Variants in MACROH2A1 observed in about 807,000 individuals in gnomAD.
MACROH2A1 encodes the protein macroH2A.1 histone, also known as core histone macro-H2A.1.
A neutral mutation model predicts 31.6 loss-of-function variants in MACROH2A1; 2 were observed. The observed-to-expected ratio is 0.06, with a 90% CI of 0.03 to 0.20. The LOEUF (loss-of-function observed/expected upper bound fraction) is 0.20, where lower values mean the gene tolerates loss of function less well. MACROH2A1 is among the 10% of genes least tolerant of loss of function. MACROH2A1 has a pLI of 1.00. For missense variants in MACROH2A1, 230 were observed against 474.0 expected (o/e 0.49, Z 4.78); for synonymous variants, 169 against 189.6 (o/e 0.89, Z 0.89).
In MACROH2A1 at chr5:135,334,882, G is replaced by A; in HGVS notation, c.*94C>T. Reference sequence around the variant, plus strand: ...AGATGAGCAAAACTGAAAATGAAAGGGGTCCCACCTCCCAGTAGGAGTGAA... The same window carrying A: ...AGATGAGCAAAACTGAAAATGAAAGAGGTCCCACCTCCCAGTAGGAGTGAA... On this transcript the variant is annotated 3_prime_UTR_variant, in exon 9 of 9. Transcript: ENST00000511689. 9.7e-7 allele frequency: 1 copy of A among 1,034,046 alleles called. No homozygotes were observed. Among genetic ancestry groups the A allele is most frequent in the Non-Finnish European group, 1.4e-6 (1 of 695,868 alleles). The allele number at this position is 1,034,046 out of a possible 1,614,324, so 64.1% of individuals were successfully genotyped here.
At chr5:135,375,511 G>A (rs894702746) in intron 2 of MACROH2A1, among the ~76,000 whole-genome samples, 1 of 152,100 alleles carries the variant, frequency 6.6e-6, no homozygotes, top group African/African-American at 2.4e-5. Context: ...CTGTTGTATT[G>A]AAGCATTTTG....
At chr5:135,351,028 G>T in intron 6 of MACROH2A1, 1 of 675,212 alleles carries the variant, frequency 1.5e-6, no homozygotes, top group Non-Finnish European at 2.7e-6. Context: ...CAACATATGA[G>T]CCCAAGGGGC....
chr5:135,341,400 T>G (rs1279218951), intron 8 of MACROH2A1, among the ~76,000 whole-genome samples: 1 of 152,134 alleles, frequency 6.6e-6, no homozygotes, highest in Admixed American at 6.5e-5. Context: ...GCTGGGGAAA[T>G]GCTCATTCTG....
At chr5:135,379,915 C>G (rs1365012955) in intron 2 of MACROH2A1, among the ~76,000 whole-genome samples, 1 of 152,016 alleles carries the variant, frequency 6.6e-6, no homozygotes, top group African/African-American at 2.4e-5. Context: ...TTTTTTTTGG[C>G]AGACATGAGG....
chr5:135,381,648 A>G (rs936951963), intron 2 of MACROH2A1, among the ~76,000 whole-genome samples: 1 of 152,230 alleles, frequency 6.6e-6, no homozygotes, highest in African/African-American at 2.4e-5. Flanking sequence ...AAAAAGAATG[A>G]AATAGGACTT....
intron 5 of MACROH2A1, chr5:135,360,230 C>G: frequency 2.0e-6 from 1 of 498,722 alleles, no homozygotes; most frequent in Non-Finnish European, 3.6e-6. Flanking sequence ...CCAGACTAAC[C>G]AAGGGTCCCC....
chr5:135,391,780 C>T (rs1255507450), intron 1 of MACROH2A1, among the ~76,000 whole-genome samples: 1 of 152,210 alleles, frequency 6.6e-6, no homozygotes, highest in Non-Finnish European at 1.5e-5. Context: ...ATTAGCCAAG[C>T]TCTGCTGAAC....
chr5:135,336,576 G>A (rs764630423), intron 8 of MACROH2A1, among the ~76,000 whole-genome samples: 5 of 152,228 alleles, frequency 3.3e-5, no homozygotes, highest in Non-Finnish European at 7.3e-5. Flanking sequence ...CTCCAGAGCC[G>A]CTCTGGCCAC....
intron 6 of MACROH2A1, among the ~76,000 whole-genome samples, chr5:135,348,738 G>C (rs1761160330): frequency 6.6e-6 from 1 of 152,252 alleles, no homozygotes; most frequent in African/African-American, 2.4e-5. Flanking sequence ...AAGGGCTTTG[G>C]AAGACTGGGT....
chr5:135,335,186 G>C lies in MACROH2A1; in HGVS notation c.954-45C>G, dbSNP rs568145557. 21 of 1,523,482 alleles carry C rather than the reference G, an allele frequency of 1.4e-5. No individual in the cohort carries two copies. In the African/African-American group the frequency reaches 1.8e-4, roughly 13 times the overall value. 94.4% of individuals were successfully genotyped at this position (1,523,482 alleles called of 1,614,324 possible). ...CACTCAGCAACTGGGATGCCACGGGGGCTGCAGGACCTGCCCCACCTTACA... is the reference window on the plus strand; with the variant it reads ...CACTCAGCAACTGGGATGCCACGGGCGCTGCAGGACCTGCCCCACCTTACA... On this transcript the variant is annotated intron_variant, in intron 8 of 8. Coordinates refer to ENST00000511689, the MANE Select transcript of MACROH2A1 (RefSeq NM_138610.3).
At chr5:135,346,151 C>A (rs1035906909) in intron 6 of MACROH2A1, 94 bp from the exon 7 acceptor site, 1 of 798,582 alleles carries the variant, frequency 1.3e-6, no homozygotes, top group Admixed American at 1.8e-5. Context: ...TTCAAATGAT[C>A]TATTAAATTT....
intron 6 of MACROH2A1, chr5:135,346,587 G>A (rs1308058364): frequency 6.5e-6 from 1 of 152,826 alleles, no homozygotes; most frequent in African/African-American, 2.4e-5. Flanking sequence ...TTATTACCAT[G>A]CTTAGTTCCT....
chr5:135,369,918 A>T lies in MACROH2A1; in HGVS notation c.279+118T>A. 2.9e-6 allele frequency: 2 copies of T among 678,270 alleles called. No homozygotes were observed. Among genetic ancestry groups the T allele is most frequent in the Non-Finnish European group, 2.5e-6 (1 of 395,860 alleles). 42.0% of individuals were successfully genotyped at this position (678,270 alleles called of 1,614,324 possible). A position where few individuals can be genotyped will look rare whatever the true frequency, so the allele number is the denominator to read the frequency against. Reference sequence around the variant, plus strand: ...ATGGGAGGCAGAGAAGCTGCTAATTAATCCAAAAGGCAGTCCACACCTTTC... The same window carrying T: ...ATGGGAGGCAGAGAAGCTGCTAATTTATCCAAAAGGCAGTCCACACCTTTC... On this transcript the variant is annotated intron_variant, in intron 3 of 8. Transcript: ENST00000511689. The surrounding 1 kb of genome is among the most constrained non-coding windows in gnomAD (Gnocchi z 4.3).
intron 1 of MACROH2A1, among the ~76,000 whole-genome samples, chr5:135,391,833 C>A (rs936244640): frequency 6.6e-6 from 1 of 152,214 alleles, no homozygotes; most frequent in South Asian, 2.1e-4. Context: ...ACCCTCCCTG[C>A]GTTGGTTCAG....
chr5:135,378,730 C>T (rs1224174045), intron 2 of MACROH2A1, among the ~76,000 whole-genome samples: 1 of 152,182 alleles, frequency 6.6e-6, no homozygotes, highest in African/African-American at 2.4e-5. Context: ...TTTGAGGATT[C>T]GATGAATTAC....
In MACROH2A1 at chr5:135,360,557, C is replaced by G. The variant is rs1762710652; in HGVS notation, c.528G>C (p.Glu176Asp). ...SKAASADSTT[E>D]GTPADGFTVL... The stretch of plus-strand genomic sequence containing the variant: ...CTGTGAAGCCGTCGGCAGGTGTGCC[C>G]TCGGTTGTGCTGTCGGCGCTGGCTG... The change falls in exon 5 of 9, where the codon GAG becomes GAC. Residue 176 changes from glutamate to aspartate, a missense_variant. This residue lies in a region of MACROH2A1 where 183 missense variants were observed against 319.3 expected (regional missense o/e 0.57). Coordinates refer to ENST00000511689, the MANE Select transcript of MACROH2A1 (RefSeq NM_138610.3). 4.3e-6 allele frequency: 7 copies of G among 1,614,138 alleles called. No homozygotes were observed. The highest frequency in any genetic ancestry group is 5.9e-6 in the Non-Finnish European group (7 of 1,179,994).
At chr5:135,361,631 G>A (rs1216697198) in intron 4 of MACROH2A1, 1 of 152,148 alleles carries the variant, frequency 6.6e-6, no homozygotes, top group South Asian at 2.1e-4. Flanking sequence ...CCTGAGGGAG[G>A]GTCTAGTGGG....
intron 8 of MACROH2A1, among the ~76,000 whole-genome samples, chr5:135,341,571 G>C (rs1331307452): frequency 6.6e-6 from 1 of 152,218 alleles, no homozygotes; most frequent in African/African-American, 2.4e-5. Context: ...AAGCCCTGGG[G>C]AACGGTGGCA....
intron 8 of MACROH2A1, among the ~76,000 whole-genome samples, chr5:135,338,985 G>A (rs558513121): frequency 5.9e-5 from 9 of 152,110 alleles, no homozygotes; most frequent in Admixed American, 4.6e-4. Flanking sequence ...CCAGTACTGC[G>A]GCCACCATCA....
Sources: gnomAD v4.1 joint callset for allele counts (sites outside exome capture counted in the v4.1 genomes callset) on GRCh38, gnomAD v4.1.1 for gene constraint, gnomAD v4.1.1 regional missense constraint, Gnocchi (gnomAD v3.1) non-coding constraint, MANE v1.5 for transcripts, NCBI Gene and HGNC (gene_info 2026-07-23, HGNC 2026-07-21) for gene names.